Variants in PAPPA observed in about 807,000 individuals in gnomAD.
The protein encoded by PAPPA is pappalysin-1.
PAPPA carries 60 observed loss-of-function variants against 164.0 expected under a neutral mutation model. That is an observed-to-expected ratio of 0.37 (90% CI 0.30 to 0.45). PAPPA has a LOEUF of 0.45. Ranked by LOEUF, PAPPA falls within the 20% of genes least tolerant of loss-of-function variation. PAPPA has a pLI of 1.00. For synonymous variants in PAPPA, 875 were observed against 814.1 expected (o/e 1.07, Z -1.27); for missense variants, 1,782 against 2,087.3 (o/e 0.85, Z 2.85).
intron 7 of PAPPA, among the ~76,000 whole-genome samples, chr9:116,262,985 T>A (rs1845020499): frequency 6.6e-6 from 1 of 152,218 alleles, no homozygotes. Context: ...CATAGGAATT[T>A]TTCCGTGGAA....
intron 21 of PAPPA, among the ~76,000 whole-genome samples, chr9:116,386,580 G>T (rs1846815564): frequency 6.6e-6 from 1 of 152,136 alleles, no homozygotes; most frequent in South Asian, 2.1e-4. Context: ...CAAATGAGTG[G>T]GGAAGCCCAA....
intron 19 of PAPPA, among the ~76,000 whole-genome samples, chr9:116,374,182 A>T (rs11789534): frequency 3.5e-5 from 4 of 115,390 alleles, no homozygotes; most frequent in Non-Finnish European, 3.9e-5. Flanking sequence ...GATGATGATG[A>T]TGGTGGTGAT....
At chr9:116,390,031 A>C (rs1161115030) in intron 21 of PAPPA, among the ~76,000 whole-genome samples, 1 of 152,116 alleles carries the variant, frequency 6.6e-6, no homozygotes, top group Non-Finnish European at 1.5e-5. Flanking sequence ...CCCACAAATA[A>C]ATACTTTTTG....
intron 10 of PAPPA, among the ~76,000 whole-genome samples, chr9:116,330,234 G>T (rs530965131): frequency 1.3e-5 from 2 of 152,080 alleles, no homozygotes; most frequent in African/African-American, 2.4e-5. Flanking sequence ...ACTAATTTGG[G>T]ATGACCTTCT....
chr9:116,162,857 A>G (rs1014924878), intron 1 of PAPPA, among the ~76,000 whole-genome samples: 1 of 152,228 alleles, frequency 6.6e-6, no homozygotes, highest in Non-Finnish European at 1.5e-5. Flanking sequence ...CTTACAACTC[A>G]GGAAAGAGTT....
intron 21 of PAPPA, among the ~76,000 whole-genome samples, chr9:116,394,842 A>ATAAG (rs1846941409): frequency 6.6e-6 from 1 of 152,208 alleles, no homozygotes; most frequent in Non-Finnish European, 1.5e-5. Context: ...TGTGGTAGCC[A>ATAAG]TAAGTACAAA....
intron 18 of PAPPA, among the ~76,000 whole-genome samples, chr9:116,367,431 G>A (rs1846515536): frequency 6.6e-6 from 1 of 152,178 alleles, no homozygotes; most frequent in Admixed American, 6.5e-5. Flanking sequence ...AATGAGTGTG[G>A]CAGCAGGAAC....
intron 5 of PAPPA, among the ~76,000 whole-genome samples, chr9:116,224,761 A>G (rs1844484684): frequency 6.6e-6 from 1 of 152,226 alleles, no homozygotes; most frequent in African/African-American, 2.4e-5. Flanking sequence ...ATAGCCACAT[A>G]TGGCTAATAG....
intron 6 of PAPPA, among the ~76,000 whole-genome samples, chr9:116,234,127 A>G (rs1293868961): frequency 1.3e-5 from 2 of 152,178 alleles, no homozygotes; most frequent in Non-Finnish European, 2.9e-5. Flanking sequence ...CCTTAAACAA[A>G]TTAGAGCCAA....
chr9:116,358,353 G>A (rs879828918), intron 17 of PAPPA, among the ~76,000 whole-genome samples: 2 of 152,220 alleles, frequency 1.3e-5, no homozygotes, highest in Non-Finnish European at 2.9e-5. Flanking sequence ...ATGCATGTGA[G>A]GGCATTGACT....
intron 3 of PAPPA, 69 bp from the exon 4 acceptor site, chr9:116,211,570 G>T (rs1302359924): frequency 1.1e-5 from 15 of 1,394,188 alleles, no homozygotes; most frequent in Admixed American, 3.5e-5. Flanking sequence ...ATCCTTGATG[G>T]ACTTGGGGGT....
chr9:116,234,449 C>T (rs1844635226), intron 6 of PAPPA, among the ~76,000 whole-genome samples: 1 of 152,048 alleles, frequency 6.6e-6, no homozygotes, highest in South Asian at 2.1e-4. Context: ...CTCTGTTGTT[C>T]ATGGTTCTAG....
chr9:116,250,835 G>A (rs1397790042), intron 7 of PAPPA, among the ~76,000 whole-genome samples: 1 of 152,200 alleles, frequency 6.6e-6, no homozygotes, highest in Non-Finnish European at 1.5e-5. Context: ...CAGTCCAGGT[G>A]TTTCTTCCCC....
intron 10 of PAPPA, among the ~76,000 whole-genome samples, chr9:116,330,728 C>T (rs1419078606): frequency 2.0e-5 from 3 of 152,088 alleles, no homozygotes; most frequent in Non-Finnish European, 2.9e-5. Flanking sequence ...TCACTTGGAG[C>T]ACAATTTACA....
intron 21 of PAPPA, among the ~76,000 whole-genome samples, chr9:116,394,641 T>C (rs1307230599): frequency 6.6e-6 from 1 of 152,202 alleles, no homozygotes; most frequent in Non-Finnish European, 1.5e-5. Context: ...GGGCAAATAT[T>C]CTAGATTCTA....
In PAPPA at chr9:116,367,711, C is replaced by G. The variant is rs1171359514; in HGVS notation, c.4562C>G (p.Thr1521Ser). The G allele has an allele frequency of 6.2e-7, 1 of 1,613,912 alleles. No homozygotes were observed. The highest frequency in any genetic ancestry group is 1.7e-5 in the Admixed American group (1 of 59,998). The change falls in exon 19 of 22, where the codon ACC (threonine) becomes AGC (serine). Residue 1521 changes from threonine to serine, a missense_variant. Around this residue, in one of 2 missense-constraint regions of PAPPA, gnomAD observed 1,324 missense variants for 1,656.9 expected, o/e 0.80. Transcript: ENST00000328252. ...SESIILPMNVTVRDIPHWLNP... is the reference protein window; with the variant it reads ...SESIILPMNVSVRDIPHWLNP... ...TCCATCATCCTGCCAATGAACGTGA[C>G]CGTGCGTGACATCCCCCACTGGCTG... is the stretch of plus-strand genomic sequence containing the variant.
At chr9:116,255,443 A>G (rs745945346) in intron 7 of PAPPA, among the ~76,000 whole-genome samples, 6 of 152,070 alleles carry the variant, frequency 3.9e-5, no homozygotes, top group Non-Finnish European at 5.9e-5. Context: ...CATCCATTGG[A>G]TATTCTAGAT....
intron 7 of PAPPA, among the ~76,000 whole-genome samples, chr9:116,247,210 A>C (rs1421540411): frequency 6.6e-6 from 1 of 152,192 alleles, no homozygotes; most frequent in African/African-American, 2.4e-5. Context: ...TAATAGTTTC[A>C]TGACATATTA....
chr9:116,375,752 AG>A (rs1846640911), intron 19 of PAPPA, among the ~76,000 whole-genome samples: 1 of 152,158 alleles, frequency 6.6e-6, no homozygotes, highest in African/African-American at 2.4e-5. Flanking sequence ...GTCTGCCCTC[AG>A]GGAGAGAATA....
Sources: gnomAD v4.1 joint callset for allele counts (sites outside exome capture counted in the v4.1 genomes callset) on GRCh38, gnomAD v4.1.1 for gene constraint, gnomAD v4.1.1 regional missense constraint, MANE v1.5 for transcripts, NCBI Gene and HGNC (gene_info 2026-07-23, HGNC 2026-07-21) for gene names.